The following RGL1 variants were observed in gnomAD, a reference collection of about 807,000 sequenced individuals.
The protein encoded by RGL1 is ral guanine nucleotide dissociation stimulator-like 1.
Under a neutral mutation model 95.2 loss-of-function variants are expected in RGL1, and 24 were observed. That is an observed-to-expected ratio of 0.25 (90% confidence interval 0.18 to 0.35). The LOEUF (loss-of-function observed/expected upper bound fraction) is 0.35, where lower values mean the gene tolerates loss of function less well. Among genes scored for constraint, RGL1 ranks in the 10% least tolerant of loss-of-function variants. The pLI, the probability that RGL1 is intolerant of heterozygous loss-of-function variation, is 1.00. For missense variants in RGL1, 715 were observed against 936.3 expected, an observed-to-expected ratio of 0.76 and a Z score of 3.08; for synonymous variants, 329 against 344.9, an observed-to-expected ratio of 0.95 and a Z score of 0.51.
chr1:183,671,935 T>TTC (rs1412416600), intron 1 of RGL1, among the ~76,000 whole-genome samples: 2 of 148,654 alleles, frequency 1.3e-5, no homozygotes, highest in African/African-American at 5.2e-5. Flanking sequence ...TGATTTTTTT[T>TTC]TTCTTTTTTT....
At chr1:183,830,543 T>C (rs1458303607) in intron 2 of RGL1, among the ~76,000 whole-genome samples, 2 of 152,142 alleles carry the variant, frequency 1.3e-5, no homozygotes, top group Admixed American at 1.3e-4. Context: ...TCCCACTCTC[T>C]GTTTTCGAAG....
chr1:183,762,211 C>T (rs935358253), intron 2 of RGL1, among the ~76,000 whole-genome samples: 2 of 152,346 alleles, frequency 1.3e-5, no homozygotes, highest in Admixed American at 1.3e-4. Flanking sequence ...AGCTTTTGGC[C>T]TGTCTCAGCT....
chr1:183,895,876 T>C (rs1397830735), intron 9 of RGL1, among the ~76,000 whole-genome samples: 1 of 152,192 alleles, frequency 6.6e-6, no homozygotes, highest in Non-Finnish European at 1.5e-5. Flanking sequence ...CAACAAGTCT[T>C]GTAGCTCCCC....
chr1:183,664,371 G>T (rs1651881724), intron 1 of RGL1, among the ~76,000 whole-genome samples: 1 of 151,884 alleles, frequency 6.6e-6, no homozygotes, highest in Admixed American at 6.6e-5. Flanking sequence ...CTTCATATAG[G>T]ATCATGTCAT....
At chr1:183,725,918 C>A (rs1656287635) in intron 1 of RGL1, among the ~76,000 whole-genome samples, 1 of 152,110 alleles carries the variant, frequency 6.6e-6, no homozygotes, top group Admixed American at 6.5e-5. Flanking sequence ...AGCCATTAAA[C>A]AAGTCTCCAG....
chr1:183,807,725 A>AT, intron 2 of RGL1, among the ~76,000 whole-genome samples: 1 of 152,210 alleles, frequency 6.6e-6, no homozygotes, highest in East Asian at 1.9e-4. Flanking sequence ...AGGGCCAGAA[A>AT]TTGTTAATGA....
chr1:183,734,688 C>T lies in RGL1; in HGVS notation c.-32-7438C>T, dbSNP rs1203225566. Among the ~76,000 whole-genome samples the T allele has an allele frequency of 2.0e-5, 3 of 152,310 alleles. No homozygotes were observed. In the East Asian group the frequency reaches 5.8e-4, roughly 29 times the overall value. On this transcript the variant is annotated intron_variant, in intron 1 of 18. Transcript: ENST00000304685. The stretch of plus-strand genomic sequence containing the variant: ...TTACAGAATTGTGAAACATTTGAGC[C>T]TGGGACAGTCATGTGATTTACAGTT...
intron 1 of RGL1, among the ~76,000 whole-genome samples, chr1:183,661,281 A>T (rs1420009701): frequency 6.6e-6 from 1 of 152,204 alleles, no homozygotes; most frequent in Non-Finnish European, 1.5e-5. Context: ...TGGTTTTTTG[A>T]AAGGATCAAC....
intron 1 of RGL1, among the ~76,000 whole-genome samples, chr1:183,661,204 A>G (rs1001074313): frequency 6.6e-6 from 1 of 152,168 alleles, no homozygotes; most frequent in African/African-American, 2.4e-5. Context: ...AAATAACTAA[A>G]ATCAGAGCAG....
At chr1:183,898,603 G>A (rs1384927825) in intron 10 of RGL1, among the ~76,000 whole-genome samples, 2 of 152,186 alleles carry the variant, frequency 1.3e-5, no homozygotes, top group African/African-American at 4.8e-5. Context: ...AAAGCTCAAC[G>A]TAAGTAAGAA....
intron 3 of RGL1, among the ~76,000 whole-genome samples, chr1:183,852,915 T>G (rs1664913741): frequency 6.6e-6 from 1 of 152,190 alleles, no homozygotes; most frequent in South Asian, 2.1e-4. Flanking sequence ...TTAGTGACCT[T>G]CAGTGAGAGC....
intron 11 of RGL1, among the ~76,000 whole-genome samples, chr1:183,901,968 A>C (rs1668052611): frequency 6.6e-6 from 1 of 152,220 alleles, no homozygotes; most frequent in South Asian, 2.1e-4. Flanking sequence ...GATTTGCCAC[A>C]GTGTTGTGGA....
intron 1 of RGL1, among the ~76,000 whole-genome samples, chr1:183,710,491 A>AACACCTG (rs987540649): frequency 6.6e-6 from 1 of 152,132 alleles, no homozygotes; most frequent in African/African-American, 2.4e-5. Context: ...GTTTTTTGGC[A>AACACCTG]GGTGTTTCCC....
intron 2 of RGL1, among the ~76,000 whole-genome samples, chr1:183,746,519 G>A (rs979945292): frequency 6.6e-6 from 1 of 151,214 alleles, no homozygotes; most frequent in African/African-American, 2.4e-5. Context: ...CCATTGTGTG[G>A]TTATATCATG....
chr1:183,647,543 A>G, intron 1 of RGL1: 1 of 1,360,006 alleles, frequency 7.4e-7, no homozygotes, highest in Non-Finnish European at 9.7e-7. Context: ...GATATGGTAA[A>G]TAATTCAAGG....
exon 2 of RGL1, chr1:183,742,164 G>T (rs532941774): frequency 1.2e-6 from 2 of 1,613,992 alleles, no homozygotes; most frequent in South Asian, 1.1e-5. Context: ...CAAGATGGAG[G>T]TGAAACCTGT....
intron 1 of RGL1, among the ~76,000 whole-genome samples, chr1:183,669,377 G>C (rs1034325690): frequency 6.6e-6 from 1 of 151,976 alleles, no homozygotes; most frequent in Non-Finnish European, 1.5e-5. Flanking sequence ...TCATGTTTCT[G>C]TTTACATTAT....
chr1:183,753,571 T>G (rs1658153902), intron 2 of RGL1, among the ~76,000 whole-genome samples: 5 of 152,186 alleles, frequency 3.3e-5, no homozygotes, highest in Admixed American at 3.3e-4. Context: ...GAAATGGGCC[T>G]AGATAGATAC....
At chr1:183,921,927 C>A (rs1023271698) in intron 16 of RGL1, among the ~76,000 whole-genome samples, 2 of 152,196 alleles carry the variant, frequency 1.3e-5, no homozygotes, top group African/African-American at 4.8e-5. Context: ...TATATTCTTT[C>A]ACGGGAACTT....
Sources: allele counts gnomAD v4.1 joint callset (sites outside exome capture counted in the v4.1 genomes callset), GRCh38; gene constraint gnomAD v4.1.1; transcripts MANE v1.5; gene names NCBI Gene and HGNC (gene_info 2026-07-23, HGNC 2026-07-21).